EHBP1: variants seen among roughly 807,000 people sequenced by gnomAD.
EHBP1 encodes EH domain-binding protein 1.
Under a neutral mutation model 144.0 loss-of-function variants are expected in EHBP1, and 55 were observed. The observed-to-expected ratio is 0.38, with a 90% CI of 0.31 to 0.48. EHBP1 has a LOEUF of 0.48. EHBP1 is among the 20% of genes least tolerant of loss of function. The probability of loss-of-function intolerance (pLI) is 0.98; values close to 1 mark genes in which losing one functional copy is unlikely to be tolerated. For synonymous variants in EHBP1, 469 were observed against 472.7 expected, an observed-to-expected ratio of 0.99 and a Z score of 0.10; for missense variants, 1,200 against 1,364.2, an observed-to-expected ratio of 0.88 and a Z score of 1.90.
intron 2 of EHBP1, among the ~76,000 whole-genome samples, chr2:62,709,994 C>A (rs1366512688): frequency 6.6e-6 from 1 of 152,034 alleles, no homozygotes; most frequent in Non-Finnish European, 1.5e-5. Context: ...GGGGTTTATA[C>A]CCCCTACTCT....
chr2:62,676,112 C>T (rs919694892), intron 1 of EHBP1, among the ~76,000 whole-genome samples: 1 of 85,466 alleles, frequency 1.2e-5, no homozygotes. Context: ...TAGAGCTGCC[C>T]TCTTCAAAAA....
chr2:62,800,784 C>T (rs1029110939), intron 5 of EHBP1, among the ~76,000 whole-genome samples: 1 of 152,168 alleles, frequency 6.6e-6, no homozygotes, highest in Non-Finnish European at 1.5e-5. Context: ...CAATGTATTA[C>T]AACCTGTTCT....
chr2:62,837,696 T>G (rs1442667822), intron 7 of EHBP1, among the ~76,000 whole-genome samples: 1 of 149,254 alleles, frequency 6.7e-6, no homozygotes, highest in Non-Finnish European at 1.5e-5. Flanking sequence ...AATCCTAGTC[T>G]CTGATAAAAC....
chr2:62,909,903 G>A (rs1379478671), intron 10 of EHBP1, among the ~76,000 whole-genome samples: 4 of 152,004 alleles, frequency 2.6e-5, no homozygotes, highest in African/African-American at 4.8e-5. Context: ...GACTACAGGC[G>A]CATGTCACCA....
At chr2:62,683,211 G>T (rs531548225) in intron 1 of EHBP1, among the ~76,000 whole-genome samples, 10 of 152,174 alleles carry the variant, frequency 6.6e-5, no homozygotes, top group Admixed American at 5.2e-4. Context: ...CCTCTGCCTG[G>T]CATCCCCCAG....
At chr2:63,011,481 A>G (rs1339250480) in intron 19 of EHBP1, among the ~76,000 whole-genome samples, 1 of 151,952 alleles carries the variant, frequency 6.6e-6, no homozygotes, top group Non-Finnish European at 1.5e-5. Context: ...TTATAAATCC[A>G]AGTGTAATGT....
chr2:62,816,678 G>A (rs554239729), intron 5 of EHBP1, among the ~76,000 whole-genome samples: 4 of 152,198 alleles, frequency 2.6e-5, no homozygotes, highest in Non-Finnish European at 5.9e-5. Context: ...TCTGTGTATG[G>A]AGTTGTCATG....
intron 10 of EHBP1, among the ~76,000 whole-genome samples, chr2:62,877,131 C>G (rs1208350747): frequency 6.6e-6 from 1 of 152,072 alleles, no homozygotes; most frequent in Non-Finnish European, 1.5e-5. Flanking sequence ...GCATTGACAC[C>G]CATAGGCCCA....
chr2:62,941,424 TG>T (rs1286420090), intron 10 of EHBP1, among the ~76,000 whole-genome samples: 1 of 152,176 alleles, frequency 6.6e-6, no homozygotes, highest in Admixed American at 6.5e-5. Context: ...GCATTGACTT[TG>T]TAGAGATGAT....
At chr2:62,984,960 TTTTTTTTCATGGCAATGCCATCATTC>T (rs2059125667) in intron 15 of EHBP1, among the ~76,000 whole-genome samples, 1 of 151,924 alleles carries the variant, frequency 6.6e-6, no homozygotes, top group Admixed American at 6.6e-5. Context: ...GACTTACCTA[TTTTTTTTCATGGCAATGCCATCATTC>T]TGTTTACTCG....
rs1352999995 is a variant in EHBP1 at position 63,012,592 on chromosome 2, ATG to A, written c.3103+15833_3103+15834del. On this transcript the variant is annotated intron_variant, in intron 19 of 22. Transcript: ENST00000431489. Reference sequence around the variant, plus strand: ...AAATGTACACTAAGTAAATCTCAAAATGTGTGTGCCATATGTAGAAGTCTCGT... The same window carrying A: ...AAATGTACACTAAGTAAATCTCAAAATGTGTGCCATATGTAGAAGTCTCGT... Among the ~76,000 whole-genome samples the A allele has an allele frequency of 3.3e-5, 5 of 152,292 alleles. No individual in the cohort carries two copies. In the East Asian group the frequency reaches 9.6e-4, roughly 29 times the overall value.
intron 7 of EHBP1, among the ~76,000 whole-genome samples, chr2:62,849,733 T>A (rs749492381): frequency 1.3e-5 from 2 of 152,214 alleles, no homozygotes; most frequent in Non-Finnish European, 2.9e-5. Context: ...GTACATTAAG[T>A]ACTAGCTATG....
At chr2:62,944,000 G>A in intron 12 of EHBP1, 150 bp downstream of exon 12, 1 of 506,340 alleles carries the variant, frequency 2.0e-6, no homozygotes, top group Non-Finnish European at 3.5e-6. Flanking sequence ...TAGGATACAT[G>A]GTTTACTCTG....
At chr2:62,968,440 A>G (rs1008769033) in intron 14 of EHBP1, among the ~76,000 whole-genome samples, 1 of 152,182 alleles carries the variant, frequency 6.6e-6, no homozygotes, top group Non-Finnish European at 1.5e-5. Flanking sequence ...CTGTATATAC[A>G]CATACAGAGA....
intron 19 of EHBP1, among the ~76,000 whole-genome samples, chr2:63,017,707 C>G (rs1476953912): frequency 3.3e-5 from 5 of 151,782 alleles, no homozygotes; most frequent in Non-Finnish European, 7.4e-5. Context: ...TCATCAAGCA[C>G]TAAAAAAAGG....
chr2:62,705,964 TGGC>T lies in EHBP1; in HGVS notation c.-374_-372del. 10 of 161,664 alleles carry T rather than the reference TGGC, an allele frequency of 6.2e-5. No homozygotes were observed. The highest frequency in any genetic ancestry group is 1.2e-4 in the South Asian group (1 of 8,194). 10.0% of individuals were successfully genotyped at this position (161,664 alleles called of 1,614,324 possible). On this transcript the variant is annotated 5_prime_UTR_variant, in exon 1 of 23. Coordinates refer to ENST00000431489, the MANE Select transcript of EHBP1 (RefSeq NM_001142616.3). ...GCTCCGGCGGGGATGGAGGACTCGGTGGCGGCGGCGGCTGCTGCTGCGGCGGCG... is the reference window on the plus strand; with the variant it reads ...GCTCCGGCGGGGATGGAGGACTCGGTGGCGGCGGCTGCTGCTGCGGCGGCG...
At chr2:62,729,056 A>G (rs918549544) in intron 2 of EHBP1, among the ~76,000 whole-genome samples, 31 of 151,656 alleles carry the variant, frequency 2.0e-4, no homozygotes, top group Non-Finnish European at 4.0e-4. Context: ...ACGTGCAGAT[A>G]TATGCACTTC....
At chr2:62,739,197 T>A (rs1370664330) in intron 2 of EHBP1, among the ~76,000 whole-genome samples, 1 of 152,228 alleles carries the variant, frequency 6.6e-6, no homozygotes, top group African/African-American at 2.4e-5. Flanking sequence ...TTATCTATCA[T>A]ACTGTTTTTC....
At chr2:62,977,168 A>G (rs1294287990) in intron 14 of EHBP1, among the ~76,000 whole-genome samples, 1 of 150,772 alleles carries the variant, frequency 6.6e-6, no homozygotes, top group Non-Finnish European at 1.5e-5. Context: ...TGATTCCCCT[A>G]GACTTAAAAA....
Sources: allele counts gnomAD v4.1 joint callset (sites outside exome capture counted in the v4.1 genomes callset), GRCh38; gene constraint gnomAD v4.1.1; transcripts MANE v1.5; gene names NCBI Gene and HGNC (gene_info 2026-07-23, HGNC 2026-07-21).